PLPP5: variants seen among roughly 807,000 people sequenced by gnomAD.
PLPP5 encodes phospholipid phosphatase 5, also known as diacylglycerol pyrophosphate like 1.
Under a neutral mutation model 23.6 loss-of-function variants are expected in PLPP5, and 29 were observed. The observed-to-expected ratio is 1.23, with a 90% CI of 0.92 to 1.68. The LOEUF is 1.68. Among genes scored for constraint, PLPP5 ranks in the 40% most tolerant of loss-of-function variants. PLPP5 has a pLI of 0.00. For synonymous variants in PLPP5, 143 were observed against 131.3 expected (o/e 1.09, Z -0.61); for missense variants, 315 against 332.1 (o/e 0.95, Z 0.40).
chr8:38,264,068 G>C lies in PLPP5; in HGVS notation c.*376C>G. 2.0e-6 allele frequency: 2 copies of C among 989,930 alleles called. No homozygotes were observed. Among genetic ancestry groups the C allele is most frequent in the Non-Finnish European group, 2.4e-6 (2 of 833,046 alleles). 61.3% of individuals were successfully genotyped at this position (989,930 alleles called of 1,614,324 possible). ...ATGTCCTCACTTGCACCTTGGAAGG[G>C]GAAAAAAAGGCTAGAATTTCTTGTC... On this transcript the variant is annotated 3_prime_UTR_variant, in exon 7 of 7. Coordinates refer to ENST00000424479, the MANE Select transcript of PLPP5 (RefSeq NM_001102559.2).
At chr8:38,264,798 G>C (rs1585794612) in intron 6 of PLPP5, 194 bp from the exon 7 acceptor site, 2 of 1,521,726 alleles carry the variant, frequency 1.3e-6, no homozygotes, top group Non-Finnish European at 1.8e-6. Flanking sequence ...ATCATTGTCA[G>C]GTTGCTTTCT....
In PLPP5 at chr8:38,268,446, A is replaced by G; in HGVS notation, c.199T>C (p.Ser67Pro). The G allele has an allele frequency of 6.4e-7, 1 of 1,573,506 alleles. No homozygotes were observed. The highest frequency in any genetic ancestry group is 8.6e-7 in the Non-Finnish European group (1 of 1,159,102). Reference sequence around the variant, plus strand: ...GCCAGGAAGATCAGAGACAGTGGAGAGAGAAATGCAATAACCTGAATCAGA... The same window carrying G: ...GCCAGGAAGATCAGAGACAGTGGAGGGAGAAATGCAATAACCTGAATCAGA... ...TKPMFVIAFL[S>P]PLSLIFLAKF... The change falls in exon 3 of 7, where the codon TCT becomes CCT. Residue 67 changes from serine to proline, a missense_variant. Physicochemically the swap from Ser to Pro is moderately conservative, Grantham distance 74. Transcript: ENST00000424479.
intron 6 of PLPP5, chr8:38,264,906 C>A: frequency 1.2e-6 from 2 of 1,612,760 alleles, no homozygotes; most frequent in Non-Finnish European, 1.7e-6. Context: ...AACAAAGGTC[C>A]ACTTATTGCT....
intron 2 of PLPP5, 146 bp downstream of exon 2, chr8:38,268,736 C>T (rs923850521): frequency 7.0e-7 from 1 of 1,433,920 alleles, no homozygotes; most frequent in Non-Finnish European, 9.1e-7. Flanking sequence ...ATCTTAAACA[C>T]TCGAGCCCTA....
Position 38,263,643 on chromosome 8 carries a change from G to A in PLPP5, c.*801C>T, listed in dbSNP as rs868406889. 5.1e-6 allele frequency: 5 copies of A among 985,182 alleles called. No individual in the cohort carries two copies. Among genetic ancestry groups the A allele is most frequent in the Non-Finnish European group, 6.0e-6 (5 of 829,910 alleles). 61.0% of individuals were successfully genotyped at this position (985,182 alleles called of 1,614,324 possible). ...AAAAGTGATAAATTACCCTAGATTC[G>A]ACATTTTCCTATTTAAGGCTTGATG... is the stretch of plus-strand genomic sequence containing the variant. On this transcript the variant is annotated 3_prime_UTR_variant, in exon 7 of 7. Coordinates refer to ENST00000424479, the MANE Select transcript of PLPP5 (RefSeq NM_001102559.2).
At position 38,269,059 on chromosome 8, in the gene PLPP5, G is replaced by A. The variant is rs371273038; in HGVS notation, c.74+67C>T. On this transcript the variant is annotated intron_variant, in intron 1 of 6. Coordinates refer to ENST00000424479, the MANE Select transcript of PLPP5 (RefSeq NM_001102559.2). ...TCCCCGCTTCCCCACTGCCCGACCC[G>A]CCGCCCCGTGCCGCCCGCCTGCCTG... is the stretch of plus-strand genomic sequence containing the variant. 36 of 1,520,622 alleles carry A rather than the reference G, an allele frequency of 2.4e-5. No homozygotes were observed. The East Asian group carries it at 2.4e-4, about 10-fold the overall frequency. 94.2% of individuals were successfully genotyped at this position (1,520,622 alleles called of 1,614,324 possible).
Position 38,264,423 on chromosome 8 carries a change from A to C in PLPP5, c.*21T>G. On this transcript the variant is annotated 3_prime_UTR_variant, in exon 7 of 7. Transcript: ENST00000424479. ...GTTGGGATTACAGGCATGAGCCACCACGCCCGGCCAGATTCAATTTTTAAA... is the reference window on the plus strand; with the variant it reads ...GTTGGGATTACAGGCATGAGCCACCCCGCCCGGCCAGATTCAATTTTTAAA... 1.3e-6 allele frequency: 2 copies of C among 1,528,420 alleles called. No individual in the cohort carries two copies. 94.7% of individuals were successfully genotyped at this position (1,528,420 alleles called of 1,614,324 possible).
chr8:38,266,355 G>A lies in PLPP5; in HGVS notation c.464-44C>T, dbSNP rs1438654558. 2.6e-6 allele frequency: 4 copies of A among 1,550,022 alleles called. No individual in the cohort carries two copies. In the African/African-American group the frequency reaches 5.4e-5, roughly 21 times the overall value. ...TTAAGTGGTTTGTCTTTTAAAGGAA[G>A]CTACCTCATTCATCCCCACATAGGA... On this transcript the variant is annotated intron_variant, in intron 5 of 6. Transcript: ENST00000424479.
rs990111439 is a variant in PLPP5 at position 38,264,948 on chromosome 8, T to C, written c.635-344A>G. The C allele has an allele frequency of 3.7e-6, 6 of 1,603,844 alleles. No individual in the cohort carries two copies. The African/African-American group carries it at 8.0e-5, about 21-fold the overall frequency. On this transcript the variant is annotated intron_variant, in intron 6 of 6. Transcript: ENST00000424479. ...CTGCCCATTTTCACCATTTAAAGGG[T>C]CCTAGAGGAAGGAATAAAGTATTTT...
chr8:38,268,034 A>C lies in PLPP5; in HGVS notation c.275-74T>G, dbSNP rs149687324. On this transcript the variant is annotated intron_variant, in intron 3 of 6. Coordinates refer to ENST00000424479, the MANE Select transcript of PLPP5 (RefSeq NM_001102559.2). ...ATGGTCATGGCCTCGTTATGAGAGCAGCCGTGCTGTTTCTGAGATGGATAG... is the reference window on the plus strand; with the variant it reads ...ATGGTCATGGCCTCGTTATGAGAGCCGCCGTGCTGTTTCTGAGATGGATAG... 1.2e-5 allele frequency: 19 copies of C among 1,607,456 alleles called. No individual in the cohort carries two copies. The African/African-American group carries it at 2.0e-4, about 17-fold the overall frequency.
At chr8:38,268,036 C>T in intron 3 of PLPP5, 76 bp from the exon 4 acceptor site, 1 of 1,606,114 alleles carries the variant, frequency 6.2e-7, no homozygotes. Flanking sequence ...ATGAGAGCAG[C>T]CGTGCTGTTT....
rs886811059 is a variant in PLPP5 at position 38,268,912 on chromosome 8, C to T, written c.153G>A (p.Glu51=). The T allele has an allele frequency of 1.3e-6, 2 of 1,558,648 alleles. No homozygotes were observed. Among genetic ancestry groups the T allele is most frequent in the Non-Finnish European group, 1.7e-6 (2 of 1,157,036 alleles). The change falls in exon 2 of 7, where the codon GAG becomes GAA. Residue 51 remains glutamate, a synonymous_variant. Transcript: ENST00000424479. ...EMWLYRNPYV[E]AEYFPTKPMF... ...TCGGCTTGGTGGGGAAATACTCCGC[C>T]TCCACGTAGGGGTTCCGGTAGAGCC...
chr8:38,264,912 T>C (rs759129184), intron 6 of PLPP5: 7 of 1,612,956 alleles, frequency 4.3e-6, no homozygotes, highest in Admixed American at 1.7e-5. Flanking sequence ...GGTCCACTTA[T>C]TGCTATTCAT....
chr8:38,267,487 A>C, intron 4 of PLPP5, 96 bp from the exon 5 acceptor site: 4 of 1,427,342 alleles, frequency 2.8e-6, no homozygotes, highest in Non-Finnish European at 3.8e-6. Flanking sequence ...ACTATTGGTC[A>C]AATAGTGCCC....
At chr8:38,268,054 G>A in intron 3 of PLPP5, 94 bp from the exon 4 acceptor site, 2 of 1,590,482 alleles carry the variant, frequency 1.3e-6, no homozygotes, top group African/African-American at 1.3e-5. Flanking sequence ...TTTCTGAGAT[G>A]GATAGAATCC....
intron 4 of PLPP5, chr8:38,267,626 T>G: frequency 1.6e-6 from 1 of 621,096 alleles, no homozygotes; most frequent in Non-Finnish European, 2.8e-6. Flanking sequence ...AAACAGCAAA[T>G]GACACTGCAG....
rs1359202433 is a variant in PLPP5 at position 38,263,913 on chromosome 8, T to TG, written c.*530dup. 20 of 984,342 alleles carry TG rather than the reference T, an allele frequency of 2.0e-5. No individual in the cohort carries two copies. The highest frequency in any genetic ancestry group is 2.4e-5 in the Non-Finnish European group (20 of 829,062). 61.0% of individuals were successfully genotyped at this position (984,342 alleles called of 1,614,324 possible). A position where few individuals can be genotyped will look rare whatever the true frequency, so the allele number is the denominator to read the frequency against. On this transcript the variant is annotated 3_prime_UTR_variant, in exon 7 of 7. Transcript: ENST00000424479. ...CTGATAGACCAGATTCATAAGGTGT[T>TG]GGACACCTTTGAAAGATCCTTTTAC...
intron 4 of PLPP5, 59 bp downstream of exon 4, chr8:38,267,838 T>TC: frequency 6.6e-7 from 1 of 1,507,744 alleles, no homozygotes. Flanking sequence ...CATTAACCTC[T>TC]CTGTTCTGGT....
chr8:38,264,136 A>G lies in PLPP5; in HGVS notation c.*308T>C. 9.7e-7 allele frequency: 1 copy of G among 1,026,562 alleles called. No homozygotes were observed. Among genetic ancestry groups the G allele is most frequent in the Non-Finnish European group, 1.2e-6 (1 of 856,386 alleles). The allele number at this position is 1,026,562 out of a possible 1,614,324, so 63.6% of individuals were successfully genotyped here. On this transcript the variant is annotated 3_prime_UTR_variant, in exon 7 of 7. Coordinates refer to ENST00000424479, the MANE Select transcript of PLPP5 (RefSeq NM_001102559.2). ...AGGAGGGCTAGTTCACCTGTTCTCT[A>G]TTGAGATAGATTCAATTTTTTTTTT...
Sources: gnomAD v4.1 joint callset for allele counts on GRCh38, gnomAD v4.1.1 for gene constraint, MANE v1.5 for transcripts, NCBI Gene and HGNC (gene_info 2026-07-23, HGNC 2026-07-21) for gene names.